Variants in EML2 observed in about 807,000 individuals in gnomAD.
EML2 encodes the protein EMAP like 2, also known as echinoderm microtubule-associated protein-like 2.
A neutral mutation model predicts 84.7 loss-of-function variants in EML2; 59 were observed. The observed-to-expected ratio is 0.70, with a 90% CI of 0.56 to 0.86. The LOEUF (loss-of-function observed/expected upper bound fraction) is 0.86. Among genes scored for constraint, EML2 ranks in the 40% least tolerant of loss-of-function variants. The pLI, the probability that EML2 is intolerant of heterozygous loss-of-function variation, is 0.00. For synonymous variants in EML2, 352 were observed against 348.9 expected (o/e 1.01, Z -0.10); for missense variants, 818 against 855.6 (o/e 0.96, Z 0.55).
upstream of EML2, among the ~76,000 whole-genome samples, chr19:45,644,401 T>G (rs1464393728): frequency 6.6e-6 from 1 of 152,060 alleles, no homozygotes; most frequent in Non-Finnish European, 1.5e-5. Context: ...AAAATAAGCA[T>G]TCTGGGTCCC....
chr19:45,620,168 C>T (rs1209905779), intron 11 of EML2, among the ~76,000 whole-genome samples: 1 of 151,890 alleles, frequency 6.6e-6, no homozygotes, highest in Non-Finnish European at 1.5e-5. Context: ...GGCTGGAGTG[C>T]AGTGGTAGGA....
At position 45,634,455 on chromosome 19, in the gene EML2, G is replaced by A. The variant is rs752258765; in HGVS notation, c.196C>T (p.Arg66Ter). 2 of 1,611,396 alleles carry A rather than the reference G, an allele frequency of 1.2e-6. No homozygotes were observed. Among genetic ancestry groups the A allele is most frequent in the South Asian group, 1.1e-5 (1 of 90,864 alleles). Residue 66 changes from arginine to a stop codon, truncating the protein, a stop_gained, in exon 4 of 19, where the codon CGA (arginine) becomes TGA (stop). Coordinates refer to ENST00000245925, the MANE Select transcript of EML2 (RefSeq NM_012155.4). LOFTEE classifies it high-confidence loss of function. ...KLEWVYGYRG[R>*]DCRANLYLLP... is the part of the protein sequence containing the mutation. ...AAATAAAGGTTGGCCCGGCAGTCTC[G>A]GCCACGGTAGCCATAGCTGGAGCCA...
chr19:45,634,222 C>G, intron 4 of EML2, 100 bp downstream of exon 4: 1 of 1,531,288 alleles, frequency 6.5e-7, no homozygotes. Context: ...TTGCCCCAAA[C>G]CCCACAGGGT....
chr19:45,638,581 G>A lies in EML2; in HGVS notation c.103C>T (p.Pro35Ser). The A allele has an allele frequency of 1.2e-6, 2 of 1,614,050 alleles. No homozygotes were observed. The highest frequency in any genetic ancestry group is 1.7e-6 in the Non-Finnish European group (2 of 1,180,020). Residue 35 changes from proline to serine, a missense_variant, in exon 3 of 19, where the codon CCA becomes TCA. Coordinates refer to ENST00000245925, the MANE Select transcript of EML2 (RefSeq NM_012155.4). Reference sequence around the variant, plus strand: ...CTGTAGGTGGGTGCCAGCTCGTCTGGGATCATCATGGGCACAGGGCGGCCC... The same window carrying A: ...CTGTAGGTGGGTGCCAGCTCGTCTGAGATCATCATGGGCACAGGGCGGCCC... ...LRGRPVPMMIPDELAPTYSLD... is the reference protein window; with the variant it reads ...LRGRPVPMMISDELAPTYSLD...
intron 9 of EML2, among the ~76,000 whole-genome samples, chr19:45,624,042 C>T (rs1972024163): frequency 6.6e-6 from 1 of 152,208 alleles, no homozygotes; most frequent in South Asian, 2.1e-4. Flanking sequence ...TTTCTTCACC[C>T]AACCATTGGC....
intron 7 of EML2, among the ~76,000 whole-genome samples, chr19:45,627,256 C>CT (rs72487266): frequency 0.012 from 1,613 of 135,588 alleles, 14 homozygotes; most frequent in African/African-American, 0.028. Context: ...TGCGCCCGGC[C>CT]TTTTTTTTTT....
At chr19:45,625,154 C>T (rs376675801) in intron 8 of EML2, among the ~76,000 whole-genome samples, 2 of 152,200 alleles carry the variant, frequency 1.3e-5, no homozygotes, top group African/African-American at 2.4e-5. Flanking sequence ...CAACCTCCCC[C>T]TCCCGGGTTC....
intron 18 of EML2, among the ~76,000 whole-genome samples, chr19:45,612,143 C>A (rs1970564777): frequency 6.6e-6 from 1 of 152,010 alleles, no homozygotes; most frequent in South Asian, 2.1e-4. Context: ...TGGCTCACTG[C>A]AACCTCTACT....
upstream of EML2, chr19:45,642,497 G>T: frequency 7.0e-7 from 1 of 1,430,264 alleles, no homozygotes; most frequent in Non-Finnish European, 9.1e-7. Flanking sequence ...TTGGACATGA[G>T]CCAAGGAAGA....
At chr19:45,645,192 C>T, upstream of EML2, 1 of 1,439,930 alleles carries the variant, frequency 6.9e-7, no homozygotes, top group Non-Finnish European at 9.3e-7. Context: ...GGGTTGGGGA[C>T]TTGCAAGGAG....
At chr19:45,638,322 C>T (rs977850179) in intron 3 of EML2, among the ~76,000 whole-genome samples, 183 bp downstream of exon 3, 4 of 152,226 alleles carry the variant, frequency 2.6e-5, no homozygotes, top group Admixed American at 6.5e-5. Flanking sequence ...ACCAATCCCA[C>T]TCTGGCCACA....
At chr19:45,633,230 TGA>T in intron 4 of EML2, 91 bp from the exon 5 acceptor site, 1 of 1,300,062 alleles carries the variant, frequency 7.7e-7, no homozygotes. Context: ...ATTGGCTGGT[TGA>T]GTTTAGTCAA....
chr19:45,637,482 T>C (rs1484273512), intron 3 of EML2, among the ~76,000 whole-genome samples: 1 of 145,210 alleles, frequency 6.9e-6, no homozygotes, highest in Non-Finnish European at 1.5e-5. Flanking sequence ...TTTTTTTTTT[T>C]TTTTTTTTTT....
upstream of EML2, chr19:45,641,906 C>G: frequency 2.8e-6 from 4 of 1,448,056 alleles, no homozygotes; most frequent in Non-Finnish European, 3.6e-6. Context: ...GGGTCCCGGC[C>G]TTGTGCCTTA....
In EML2 at chr19:45,621,316, C is replaced by T. The variant is rs1568449119; in HGVS notation, c.1013G>A (p.Gly338Asp). The change falls in exon 11 of 19, where the codon GGC becomes GAC. Residue 338 changes from glycine to aspartate, a missense_variant. Physicochemically the swap from Gly to Asp is moderately conservative, Grantham distance 94. Transcript: ENST00000245925. The stretch of plus-strand genomic sequence containing the variant: ...GCCCTCTGCCACGGTGCGCACAGGG[C>T]CAAAGTCCTCAGGGACCTGGGTGGA... ...LQEVEVPEDF[G>D]PVRTVAEGHG... 1 of 1,606,820 alleles carries T rather than the reference C, an allele frequency of 6.2e-7. No homozygotes were observed. Among genetic ancestry groups the T allele is most frequent in the Non-Finnish European group, 8.5e-7 (1 of 1,175,180 alleles).
rs570578147 is a variant in EML2, at chr19:45,633,478, C to T, written c.330-339G>A. ...TTCAGTTTTTTTTTTTTTTAAGAGGCGGAGTCTCCCAGCACTTTGGGAGGC... is the reference window on the plus strand; with the variant it reads ...TTCAGTTTTTTTTTTTTTTAAGAGGTGGAGTCTCCCAGCACTTTGGGAGGC... On this transcript the variant is annotated intron_variant, in intron 4 of 18. Coordinates refer to ENST00000245925, the MANE Select transcript of EML2 (RefSeq NM_012155.4). Among the ~76,000 whole-genome samples the T allele has an allele frequency of 1.5e-4, 22 of 149,074 alleles. No homozygotes were observed. In the South Asian group the frequency reaches 3.4e-3, roughly 23 times the overall value.
chr19:45,639,515 G>T, upstream of EML2: 2 of 869,992 alleles, frequency 2.3e-6, no homozygotes, highest in Non-Finnish European at 3.1e-6. Flanking sequence ...GTCCCACCGG[G>T]TCACACATCC....
intron 11 of EML2, 87 bp downstream of exon 11, chr19:45,621,120 T>C (rs1483857616): frequency 2.0e-6 from 3 of 1,534,330 alleles, no homozygotes; most frequent in Non-Finnish European, 2.6e-6. Flanking sequence ...TGAGGAGAAC[T>C]GGGAGTGGGG....
chr19:45,641,838 G>A (rs1974542798), upstream of EML2: 3 of 1,496,144 alleles, frequency 2.0e-6, no homozygotes, highest in Middle Eastern at 3.6e-4. Context: ...ACCCTCTGCT[G>A]CTGGAGCTCA....
Sources: allele counts gnomAD v4.1 joint callset (sites outside exome capture counted in the v4.1 genomes callset), GRCh38; gene constraint gnomAD v4.1.1; transcripts MANE v1.5; gene names NCBI Gene and HGNC (gene_info 2026-07-23, HGNC 2026-07-21).